WDFY4: variants seen among roughly 807,000 people sequenced by gnomAD.
WDFY4 encodes the protein WDFY family member 4.
WDFY4 carries 169 observed loss-of-function variants against 351.9 expected under a neutral mutation model. The ratio of observed to expected loss-of-function variants is 0.48; its 90% CI spans 0.42 to 0.55. The LOEUF (loss-of-function observed/expected upper bound fraction) is 0.55, where lower values mean the gene tolerates loss of function less well. Among genes scored for constraint, WDFY4 ranks in the 20% least tolerant of loss-of-function variants. WDFY4 has a pLI of 0.00. For missense variants in WDFY4, 3,803 were observed against 3,935.6 expected, an observed-to-expected ratio of 0.97 and a Z score of 0.90; for synonymous variants, 1,622 against 1,574.6, an observed-to-expected ratio of 1.03 and a Z score of -0.71.
At chr10:48,940,328 C>G (rs988211327) in intron 47 of WDFY4, among the ~76,000 whole-genome samples, 8 of 152,238 alleles carry the variant, frequency 5.3e-5, no homozygotes, top group African/African-American at 1.9e-4. Context: ...TGCTTGGATA[C>G]ATGGCCCAAA....
chr10:48,972,017 C>T (rs1256282164), intron 57 of WDFY4, among the ~76,000 whole-genome samples: 2 of 152,184 alleles, frequency 1.3e-5, no homozygotes, highest in Admixed American at 1.3e-4. Context: ...CCTCTGAGTT[C>T]CCATTTAACA....
intron 47 of WDFY4, among the ~76,000 whole-genome samples, chr10:48,922,786 A>G (rs915299223): frequency 1.3e-5 from 2 of 152,202 alleles, no homozygotes; most frequent in Admixed American, 6.5e-5. Flanking sequence ...AAAATGTCTC[A>G]AACGTCTACA....
At position 48,817,389 on chromosome 10, in the gene WDFY4, T is replaced by C. The variant is rs1467129615; in HGVS notation, c.5485T>C (p.Phe1829Leu). ...EFLQTLAIAA[F>L]PLGAQKGVGA... ...CCTCCAGACCTTGGCCATAGCCGCC[T>C]TCCCCCTGGGAGCCCAAAAGGTAGG... is the stretch of plus-strand genomic sequence containing the variant. The change falls in exon 32 of 62, where the codon TTC becomes CTC. Residue 1829 changes from phenylalanine to leucine, a missense_variant. This residue lies in a region of WDFY4 where 3,054 missense variants were observed against 3,148.6 expected (regional missense o/e 0.97). Coordinates refer to ENST00000325239, the MANE Select transcript of WDFY4 (RefSeq NM_001394531.1). 3 of 1,550,952 alleles carry C rather than the reference T, an allele frequency of 1.9e-6. No homozygotes were observed. The highest frequency in any genetic ancestry group is 1.7e-6 in the Non-Finnish European group (2 of 1,146,468).
rs372997803 is a variant in WDFY4, at chr10:48,732,020, C to T, written c.1582+458C>T. 4.6e-5 allele frequency among the ~76,000 whole-genome samples: 7 copies of T among 152,286 alleles called. No homozygotes were observed. The East Asian group carries it at 7.7e-4, about 17-fold the overall frequency. On this transcript the variant is annotated intron_variant, in intron 9 of 61. Coordinates refer to ENST00000325239, the MANE Select transcript of WDFY4 (RefSeq NM_001394531.1). ...TCCTTGGGGTCTTGCGGGCCCAGCA[C>T]GCCCCTCCAAGTCTTGGTGCCCTGC...
chr10:48,929,968 G>A (rs1839891611), intron 47 of WDFY4, among the ~76,000 whole-genome samples: 1 of 151,856 alleles, frequency 6.6e-6, no homozygotes, highest in South Asian at 2.1e-4. Context: ...GCATCTAAAT[G>A]TAGTTTATGA....
chr10:48,775,832 A>G, intron 15 of WDFY4, 26 bp downstream of exon 15: 1 of 1,537,412 alleles, frequency 6.5e-7, no homozygotes, highest in Non-Finnish European at 8.8e-7. Flanking sequence ...AGAACGGGGC[A>G]GGTTAATGGG....
intron 1 of WDFY4, among the ~76,000 whole-genome samples, chr10:48,701,688 G>T (rs182511638): frequency 6.6e-6 from 1 of 152,212 alleles, no homozygotes; most frequent in East Asian, 1.9e-4. Flanking sequence ...TTAAGGTGGA[G>T]CGTGTGGACT....
intron 15 of WDFY4, among the ~76,000 whole-genome samples, chr10:48,776,401 AGT>A (rs1411665560): frequency 1.3e-5 from 2 of 152,206 alleles, no homozygotes; most frequent in African/African-American, 2.4e-5. Context: ...TGTGAAGGAA[AGT>A]GTGGGCTTTG....
Position 48,867,257 on chromosome 10 carries a change from T to C in WDFY4, c.6664-8T>C. The C allele has an allele frequency of 7.3e-7, 1 of 1,368,996 alleles. No individual in the cohort carries two copies. The highest frequency in any genetic ancestry group is 9.5e-7 in the Non-Finnish European group (1 of 1,054,952). The allele number at this position is 1,368,996 out of a possible 1,614,324, so 84.8% of individuals were successfully genotyped here. A position where few individuals can be genotyped will look rare whatever the true frequency, so the allele number is the denominator to read the frequency against. Reference sequence around the variant, plus strand: ...ATTAAGCTGTGACTTGTTTTCTCCTTTCTCCAGGATTTTGTGTCATGTATA... The same window carrying C: ...ATTAAGCTGTGACTTGTTTTCTCCTCTCTCCAGGATTTTGTGTCATGTATA... On this transcript the variant is annotated splice_polypyrimidine_tract_variant and splice_region_variant and intron_variant, in intron 39 of 61. Coordinates refer to ENST00000325239, the MANE Select transcript of WDFY4 (RefSeq NM_001394531.1).
At chr10:48,975,246 G>GTCCCCAACACCAGAGGGA in intron 58 of WDFY4, 1 of 712,644 alleles carries the variant, frequency 1.4e-6, no homozygotes, top group Non-Finnish European at 2.4e-6. Flanking sequence ...TCCTCCCTCT[G>GTCCCCAACACCAGAGGGA]GTGTTGGGGA....
At chr10:48,924,013 G>A (rs1470447417) in intron 47 of WDFY4, among the ~76,000 whole-genome samples, 9 of 152,224 alleles carry the variant, frequency 5.9e-5, no homozygotes, top group Non-Finnish European at 8.8e-5. Context: ...GAAGCAGCAC[G>A]GAGCTGGCTA....
intron 4 of WDFY4, among the ~76,000 whole-genome samples, chr10:48,721,595 T>C (rs956266070): frequency 6.6e-6 from 1 of 152,224 alleles, no homozygotes; most frequent in African/African-American, 2.4e-5. Flanking sequence ...TTGCTTTACC[T>C]TTCTGCCCCT....
At chr10:48,770,285 A>G (rs1051745964) in intron 13 of WDFY4, among the ~76,000 whole-genome samples, 20 of 152,140 alleles carry the variant, frequency 1.3e-4, no homozygotes, top group African/African-American at 4.1e-4. Flanking sequence ...TCTTTTTTGC[A>G]TATTTAGATT....
Position 48,976,842 on chromosome 10 carries a change from G to A in WDFY4, c.9154G>A (p.Val3052Ile). ...GGGAGCACACTTGTCCCTGTGGAAT[G>A]TCAATGGACAGCCCCTGGCCAGCAT... ...CAGAHLSLWNVNGQPLASITT... is the reference protein window; with the variant it reads ...CAGAHLSLWNINGQPLASITT... The change falls in exon 59 of 62, where the codon GTC becomes ATC. Residue 3052 changes from valine to isoleucine, a missense_variant. This residue lies in a region of WDFY4 where 3,054 missense variants were observed against 3,148.6 expected (regional missense o/e 0.97). Transcript: ENST00000325239. The A allele has an allele frequency of 6.6e-7, 1 of 1,524,616 alleles. No homozygotes were observed. Among genetic ancestry groups the A allele is most frequent in the Non-Finnish European group, 8.8e-7 (1 of 1,132,550 alleles). The allele number at this position is 1,524,616 out of a possible 1,614,324, so 94.4% of individuals were successfully genotyped here. A position where few individuals can be genotyped will look rare whatever the true frequency, so the allele number is the denominator to read the frequency against.
intron 47 of WDFY4, among the ~76,000 whole-genome samples, chr10:48,920,469 A>G (rs1838968047): frequency 6.6e-6 from 1 of 152,216 alleles, no homozygotes; most frequent in African/African-American, 2.4e-5. Flanking sequence ...ATACATATGT[A>G]ACTAACCTGC....
chr10:48,867,463 G>C, intron 40 of WDFY4, 121 bp downstream of exon 40: 1 of 520,080 alleles, frequency 1.9e-6, no homozygotes, highest in Non-Finnish European at 3.0e-6. Context: ...GCACCATGTT[G>C]GGGTTTTGCA....
At chr10:48,803,171 T>C in intron 24 of WDFY4, 115 bp from the exon 25 acceptor site, 1 of 963,054 alleles carries the variant, frequency 1.0e-6, no homozygotes, top group Non-Finnish European at 1.6e-6. Flanking sequence ...TGGTACATCA[T>C]GTTGATGATT....
intron 47 of WDFY4, among the ~76,000 whole-genome samples, chr10:48,912,630 T>C (rs1838110575): frequency 6.6e-6 from 1 of 152,230 alleles, no homozygotes; most frequent in Admixed American, 6.5e-5. Context: ...AGCATGGTGC[T>C]GAGTAAGGTG....
At position 48,787,953 on chromosome 10, in the gene WDFY4, T is replaced by TCTC. The variant is rs1565199237; in HGVS notation, c.3809-575_3809-574insCCT. ...TTCTTCTTCTTCTTCTTCTTCTTCT[T>TCTC]CTTCTTCTTCTTCTTCTTCTTCTTC... On this transcript the variant is annotated intron_variant, in intron 20 of 61. Transcript: ENST00000325239. 1.3e-4 allele frequency among the ~76,000 whole-genome samples: 12 copies of TCTC among 93,638 alleles called. No individual in the cohort carries two copies. The East Asian group carries it at 2.8e-3, about 22-fold the overall frequency. The allele number at this position is 93,638 out of a possible 152,430, so 61.4% of individuals were successfully genotyped here. A position where few individuals can be genotyped will look rare whatever the true frequency, so the allele number is the denominator to read the frequency against.
Sources: gnomAD v4.1 joint callset for allele counts (sites outside exome capture counted in the v4.1 genomes callset) on GRCh38, gnomAD v4.1.1 for gene constraint, gnomAD v4.1.1 regional missense constraint, MANE v1.5 for transcripts, NCBI Gene and HGNC (gene_info 2026-07-23, HGNC 2026-07-21) for gene names.